MSN: variants seen among roughly 807,000 people sequenced by gnomAD.
MSN encodes the protein epididymis luminal protein 70.
Under a neutral mutation model 48.0 loss-of-function variants are expected in MSN, and 2 were observed. The ratio of observed to expected loss-of-function variants is 0.04; its 90% CI spans 0.02 to 0.13. MSN has a LOEUF of 0.13. MSN is among the 10% of genes least tolerant of loss of function. The pLI is 1.00. For missense variants in MSN, 267 were observed against 470.1 expected (o/e 0.57, Z 3.99); for synonymous variants, 146 against 166.9 (o/e 0.87, Z 0.97).
At chrX:65,707,044 T>C (rs1443086998) in intron 1 of MSN, among the ~76,000 whole-genome samples, 1 of 111,964 alleles carries the variant, frequency 8.9e-6, no homozygotes, top group Non-Finnish European at 1.9e-5. Context: ...TCCCTTTTGC[T>C]GTAGCTGGGC....
At chrX:65,622,825 G>T (rs2070464373) in intron 1 of MSN, among the ~76,000 whole-genome samples, 1 of 111,466 alleles carries the variant, frequency 9.0e-6, no homozygotes, top group Non-Finnish European at 1.9e-5. Context: ...TCTTTGTCTT[G>T]TTCTTGATCT....
intron 1 of MSN, among the ~76,000 whole-genome samples, chrX:65,627,870 T>C (rs1277712712): frequency 8.9e-6 from 1 of 112,084 alleles, no homozygotes; most frequent in Non-Finnish European, 1.9e-5. Context: ...ATTGGGTAAA[T>C]GCAACCATTC....
intron 1 of MSN, among the ~76,000 whole-genome samples, chrX:65,622,598 C>T (rs564695631): frequency 1.9e-5 from 2 of 104,571 alleles, no homozygotes; most frequent in African/African-American, 3.5e-5. Flanking sequence ...CTCACTGACA[C>T]CTCTGCCTCC....
At chrX:65,684,264 T>C (rs1199774112) in intron 1 of MSN, among the ~76,000 whole-genome samples, 1 of 110,632 alleles carries the variant, frequency 9.0e-6, no homozygotes, top group African/African-American at 3.3e-5. Flanking sequence ...TTTCATGCAT[T>C]TGTATATATA....
Position 65,731,888 on chromosome X carries a change from A to G in MSN, c.602A>G (p.Tyr201Cys), listed in dbSNP as rs761463986. 8.3e-7 allele frequency: 1 copy of G among 1,210,757 alleles called. No homozygotes were observed. Residue 201 changes from tyrosine to cysteine, a missense_variant, in exon 6 of 13, where the codon TAT (tyrosine) becomes TGT (cysteine). By Grantham distance (194) the Tyr-to-Cys change is radical. Coordinates refer to ENST00000360270, the MANE Select transcript of MSN (RefSeq NM_002444.3). ...YLKIAQDLEM[Y>C]GVNYFSIKNK... is the part of the protein sequence containing the mutation. The stretch of plus-strand genomic sequence containing the variant: ...AAGATTGCTCAAGATCTGGAGATGT[A>G]TGGTGTGAACTACTTCAGCATCAAG...
chrX:65,672,800 T>C (rs1163697529), intron 1 of MSN, among the ~76,000 whole-genome samples: 1 of 111,722 alleles, frequency 9.0e-6, no homozygotes, highest in African/African-American at 3.3e-5. Context: ...CCAGTACTGA[T>C]GTTTTTGAGA....
rs186007715 is a variant in MSN at position 65,676,300 on chromosome X, G to A, written c.12+8447G>A. Among the ~76,000 whole-genome samples, 127 of 111,992 alleles carry A rather than the reference G, an allele frequency of 1.1e-3. 1 individual carries two copies. The highest frequency in any genetic ancestry group is 4.0e-3 in the African/African-American group (124 of 30,820). ...GCCTAATGACACAGATACCAGATCT[G>A]ATGCTCCTTTCAATCGGCTTGTTGT... On this transcript the variant is annotated intron_variant, in intron 1 of 12. Coordinates refer to ENST00000360270, the MANE Select transcript of MSN (RefSeq NM_002444.3).
intron 1 of MSN, among the ~76,000 whole-genome samples, chrX:65,607,137 A>G (rs1253875617): frequency 8.9e-6 from 1 of 112,429 alleles, no homozygotes; most frequent in East Asian, 2.8e-4. Context: ...TGAGAGAGAT[A>G]TCACTAGCCC....
Position 65,726,753 on chromosome X carries a change from C to T in MSN, c.97-1061C>T, listed in dbSNP as rs752901939. Among the ~76,000 whole-genome samples, 349 of 111,323 alleles carry T rather than the reference C, an allele frequency of 3.1e-3. 1 individual carries two copies. Among genetic ancestry groups the T allele is most frequent in the Non-Finnish European group, 3.9e-3 (208 of 53,051 alleles). On this transcript the variant is annotated intron_variant, in intron 2 of 12. Transcript: ENST00000360270. ...TTCTATGATTCTTTCTCACCTTACC[C>T]TTACCCTCCACTTGCATCCTTCTCC...
rs145437022 is a variant in MSN, at chrX:65,601,416, C to T, written c.-22+12804C>T. Among the ~76,000 whole-genome samples the T allele has an allele frequency of 1.9e-3, 217 of 112,205 alleles. 2 individuals carry two copies. The highest frequency in any genetic ancestry group is 6.9e-3 in the African/African-American group (214 of 30,898). Reference sequence around the variant, plus strand: ...TGTGTGTCACACCTTCCTCCCTCTCCCCTGACTCCAAATCTCCATTAAAAG... The same window carrying T: ...TGTGTGTCACACCTTCCTCCCTCTCTCCTGACTCCAAATCTCCATTAAAAG... On this transcript the variant is annotated intron_variant, in intron 1 of 3. Transcript: ENST00000609672.
intron 1 of MSN, among the ~76,000 whole-genome samples, chrX:65,646,349 T>C: frequency 8.9e-6 from 1 of 112,247 alleles, no homozygotes. Flanking sequence ...TTTACAATTT[T>C]ATTGCTTTCT....
chrX:65,634,115 A>G (rs977442250), intron 1 of MSN, among the ~76,000 whole-genome samples: 1 of 112,043 alleles, frequency 8.9e-6, no homozygotes, highest in Non-Finnish European at 1.9e-5. Flanking sequence ...CAGGGACCCA[A>G]GAATCCTTGG....
At chrX:65,603,155 G>A (rs761781366) in intron 1 of MSN, among the ~76,000 whole-genome samples, 1 of 111,480 alleles carries the variant, frequency 9.0e-6, no homozygotes, top group African/African-American at 3.3e-5. Context: ...TTATTTGGGC[G>A]AGATGGTGGG....
intron 1 of MSN, among the ~76,000 whole-genome samples, chrX:65,606,073 A>G (rs112139661): frequency 0.02 from 2,128 of 108,478 alleles, 25 homozygotes; most frequent in Non-Finnish European, 0.029. Context: ...TTCCTGAGTG[A>G]CTGGGTCTAC....
chrX:65,629,570 T>A (rs774504674), intron 1 of MSN, among the ~76,000 whole-genome samples: 202 of 110,641 alleles, frequency 1.8e-3, no homozygotes, highest in Middle Eastern at 9.2e-3. Flanking sequence ...GAGAAAGAGG[T>A]TTAATTGGAC....
Position 65,716,880 on chromosome X carries a change from C to T in MSN, c.75C>T (p.Thr25=), listed in dbSNP as rs368380881. 1.2e-5 allele frequency: 15 copies of T among 1,207,654 alleles called. No homozygotes were observed. The highest frequency in any genetic ancestry group is 2.3e-4 in the Middle Eastern group (1 of 4,371). The part of the protein sequence containing the change: ...ELEFAIQPNT[T]GKQLFDQVVK... ...AGTTTGCCATCCAGCCCAACACCAC[C>T]GGGAAGCAGCTATTTGACCAGGTAA... Residue 25 remains threonine (T), a synonymous_variant, in exon 2 of 13, where the codon ACC becomes ACT. Coordinates refer to ENST00000360270, the MANE Select transcript of MSN (RefSeq NM_002444.3).
At chrX:65,661,534 T>C (rs1367412154) in intron 1 of MSN, among the ~76,000 whole-genome samples, 1 of 112,307 alleles carries the variant, frequency 8.9e-6, no homozygotes, top group Non-Finnish European at 1.9e-5. Context: ...TAAGGACTTT[T>C]GCATCTATGC....
chrX:65,697,889 G>T (rs770755176), intron 1 of MSN, among the ~76,000 whole-genome samples: 12 of 112,022 alleles, frequency 1.1e-4, no homozygotes, highest in Non-Finnish European at 2.3e-4. Flanking sequence ...GTTGCTCCTA[G>T]TGTTACCTAG....
At chrX:65,683,816 A>G (rs1302472171) in intron 1 of MSN, among the ~76,000 whole-genome samples, 1 of 111,966 alleles carries the variant, frequency 8.9e-6, no homozygotes, top group Non-Finnish European at 1.9e-5. Context: ...TTGTTGTAAG[A>G]AATGAAACAG....
Sources: gnomAD v4.1 joint callset for allele counts (sites outside exome capture counted in the v4.1 genomes callset) on GRCh38, gnomAD v4.1.1 for gene constraint, MANE v1.5 for transcripts, NCBI Gene and HGNC (gene_info 2026-07-23, HGNC 2026-07-21) for gene names.